Variants in CD247 observed in about 807,000 individuals in gnomAD.
CD247 encodes T-cell surface glycoprotein CD3 zeta chain.
A neutral mutation model predicts 30.0 loss-of-function variants in CD247; 13 were observed. The ratio of observed to expected loss-of-function variants is 0.43; its 90% confidence interval spans 0.28 to 0.69. CD247 has a LOEUF of 0.69. Ranked by LOEUF, CD247 falls within the 30% of genes least tolerant of loss-of-function variation. The pLI, the probability that CD247 is intolerant of heterozygous loss-of-function variation, is 0.16. For synonymous variants in CD247, 72 were observed against 80.0 expected, an observed-to-expected ratio of 0.90 and a Z score of 0.53; for missense variants, 193 against 212.6, an observed-to-expected ratio of 0.91 and a Z score of 0.57.
At chr1:167,514,557 C>T (rs1192726547) in intron 1 of CD247, among the ~76,000 whole-genome samples, 2 of 152,172 alleles carry the variant, frequency 1.3e-5, no homozygotes, top group South Asian at 2.1e-4. Flanking sequence ...TATGTACATG[C>T]GCTGACTAAA....
intron 3 of CD247, 53 bp downstream of exon 3, chr1:167,439,291 C>G (rs1320305278): frequency 6.5e-7 from 1 of 1,543,278 alleles, no homozygotes; most frequent in South Asian, 1.1e-5. Flanking sequence ...TCCCTAGGTC[C>G]GAGGAGGAGG....
intron 1 of CD247, among the ~76,000 whole-genome samples, chr1:167,479,599 C>T (rs1571566434): frequency 6.6e-6 from 1 of 152,188 alleles, no homozygotes; most frequent in African/African-American, 2.4e-5. Context: ...CACAGACCTC[C>T]CCGCTCCCCA....
chr1:167,486,899 C>T (rs1654230810), intron 1 of CD247, among the ~76,000 whole-genome samples: 1 of 151,992 alleles, frequency 6.6e-6, no homozygotes, highest in African/African-American at 2.4e-5. Flanking sequence ...GATGGTGCAA[C>T]CCCGTCTCTA....
At chr1:167,495,809 G>A (rs547676961) in intron 1 of CD247, among the ~76,000 whole-genome samples, 2 of 152,042 alleles carry the variant, frequency 1.3e-5, no homozygotes, top group African/African-American at 2.4e-5. Flanking sequence ...TGGCTTGCTC[G>A]CTCACTTCCT....
chr1:167,457,214 C>T (rs983353187), intron 1 of CD247, among the ~76,000 whole-genome samples: 2 of 150,910 alleles, frequency 1.3e-5, no homozygotes, highest in African/African-American at 4.8e-5. Context: ...AATGGAGCCA[C>T]AAGCTGCTCT....
At chr1:167,477,842 T>C (rs1305649320) in intron 1 of CD247, among the ~76,000 whole-genome samples, 1 of 152,228 alleles carries the variant, frequency 6.6e-6, no homozygotes, top group African/African-American at 2.4e-5. Context: ...CTCTGAAGTC[T>C]TGATAATTTC....
chr1:167,463,253 C>T (rs1377936134), intron 1 of CD247, among the ~76,000 whole-genome samples: 1 of 152,162 alleles, frequency 6.6e-6, no homozygotes, highest in African/African-American at 2.4e-5. Flanking sequence ...CTGGGGCCAG[C>T]AAGCCTTTCT....
chr1:167,447,463 TA>T (rs376083880), intron 1 of CD247, among the ~76,000 whole-genome samples: 148 of 149,128 alleles, frequency 9.9e-4, no homozygotes, highest in African/African-American at 3.2e-3. Flanking sequence ...TTTTCAGAGT[TA>T]AAAAAAAAAC....
At chr1:167,487,250 G>A (rs1019757902) in intron 1 of CD247, among the ~76,000 whole-genome samples, 7 of 151,708 alleles carry the variant, frequency 4.6e-5, no homozygotes, top group African/African-American at 9.7e-5. Flanking sequence ...GGTGGTGGGC[G>A]CCTGTAATCC....
rs372651048 is a variant in CD247 at position 167,439,396 on chromosome 1, C to A, written c.167G>T (p.Ser56Ile). The A allele has an allele frequency of 1.7e-5, 27 of 1,613,964 alleles. No individual in the cohort carries two copies. The Admixed American group carries it at 3.2e-4, about 19-fold the overall frequency. The change falls in exon 3 of 8, where the codon AGC (serine) becomes ATC (isoleucine). Residue 56 changes from serine to isoleucine, a missense_variant. Physicochemically the swap from Ser to Ile is moderately radical, Grantham distance 142 (BLOSUM62 -2). Transcript: ENST00000362089. ...LTALFLRVKF[S>I]RSADAPAYQQ... ...GTACGCGGGGGCGTCTGCGCTCCTG[C>A]TGAACTGCAACACAGAAAGCAAAGC...
intron 1 of CD247, among the ~76,000 whole-genome samples, chr1:167,445,547 T>TA (rs34111618): frequency 2.0e-5 from 3 of 151,618 alleles, no homozygotes; most frequent in South Asian, 2.1e-4. Flanking sequence ...TCATCTTCAT[T>TA]AAAAAAAAAG....
chr1:167,446,195 T>A (rs1652069212), intron 1 of CD247, among the ~76,000 whole-genome samples: 1 of 152,154 alleles, frequency 6.6e-6, no homozygotes, highest in African/African-American at 2.4e-5. Context: ...GCCCTTGCCA[T>A]TTTGCCCACT....
At chr1:167,499,705 G>C (rs1419502014) in intron 1 of CD247, among the ~76,000 whole-genome samples, 2 of 152,170 alleles carry the variant, frequency 1.3e-5, no homozygotes. Context: ...CACTCCTCCA[G>C]GCCACAGATA....
rs953809 is a variant in CD247, at chr1:167,434,388, A to G, written c.337-312T>C. The G allele has an allele frequency of 0.88, 394,851 of 449,680 alleles. 173,740 individuals are homozygous for G. The highest frequency in any genetic ancestry group is 0.91 in the South Asian group (42,044 of 46,170). 27.9% of individuals were successfully genotyped at this position (449,680 alleles called of 1,614,324 possible). On this transcript the variant is annotated intron_variant, in intron 5 of 7. Coordinates refer to ENST00000362089, the MANE Select transcript of CD247 (RefSeq NM_198053.3). ...GACAAAGACACGGAGACTGGGCAAA[A>G]CAAGGGCTCACCTGGAGCCCCAGAA...
At chr1:167,478,209 G>A (rs1027122142) in intron 1 of CD247, among the ~76,000 whole-genome samples, 1 of 152,226 alleles carries the variant, frequency 6.6e-6, no homozygotes, top group African/African-American at 2.4e-5. Context: ...ACTGACAGCT[G>A]TCTGATGTCT....
intron 1 of CD247, among the ~76,000 whole-genome samples, chr1:167,505,580 T>A (rs1571597309): frequency 1.3e-5 from 2 of 152,240 alleles, no homozygotes; most frequent in East Asian, 3.8e-4. Flanking sequence ...GGGCTGCCCC[T>A]CGCCCTCCGG....
At chr1:167,481,965 T>C (rs1291425758) in intron 1 of CD247, among the ~76,000 whole-genome samples, 1 of 152,188 alleles carries the variant, frequency 6.6e-6, no homozygotes, top group Non-Finnish European at 1.5e-5. Flanking sequence ...CCTGCCTGTA[T>C]CTTTTACTGT....
chr1:167,512,708 T>C (rs968115382), intron 1 of CD247, among the ~76,000 whole-genome samples: 1 of 152,246 alleles, frequency 6.6e-6, no homozygotes, highest in Non-Finnish European at 1.5e-5. Flanking sequence ...AAGTGCCTTT[T>C]GTGTTTAGGC....
At chr1:167,463,821 G>T (rs1031748565) in intron 1 of CD247, among the ~76,000 whole-genome samples, 3 of 152,166 alleles carry the variant, frequency 2.0e-5, no homozygotes, top group African/African-American at 7.2e-5. Context: ...GATTCATTTG[G>T]CTAATGAATT....
Sources: gnomAD v4.1 joint callset for allele counts (sites outside exome capture counted in the v4.1 genomes callset) on GRCh38, gnomAD v4.1.1 for gene constraint, MANE v1.5 for transcripts, NCBI Gene and HGNC (gene_info 2026-07-23, HGNC 2026-07-21) for gene names.